The following ZNF514 variants were observed in gnomAD, a reference collection of about 807,000 sequenced individuals.
ZNF514 encodes the protein zinc finger protein 514.
In ZNF514, 12 loss-of-function variants were observed where a neutral mutation model predicts 9.7. That is an observed-to-expected ratio of 1.24 (90% CI 0.79 to 2.01). ZNF514 has a LOEUF of 2.01. ZNF514 is among the 30% of genes most tolerant of loss of function. The pLI, the probability that ZNF514 is intolerant of heterozygous loss-of-function variation, is 0.00. For missense variants in ZNF514, 467 were observed against 465.5 expected (o/e 1.00, Z -0.03); for synonymous variants, 158 against 163.7 (o/e 0.97, Z 0.27).
At position 95,157,459 on chromosome 2, in the gene ZNF514, CA is replaced by C. The variant is rs1360185444; in HGVS notation, c.-95-21del. The C allele has an allele frequency of 3.4e-5, 43 of 1,283,292 alleles. No homozygotes were observed. The highest frequency in any genetic ancestry group is 4.4e-5 in the Non-Finnish European group (43 of 983,218). 79.5% of individuals were successfully genotyped at this position (1,283,292 alleles called of 1,614,324 possible). A position where few individuals can be genotyped will look rare whatever the true frequency, so the allele number is the denominator to read the frequency against. ...GGGAAGCTGGGAAGGTAGAAGGAGA[CA>C]TAAGGGAAGCTGACCCAGCCAGCAC... is the stretch of plus-strand genomic sequence containing the variant. On this transcript the variant is annotated intron_variant, in intron 1 of 4. Coordinates refer to ENST00000295208, the MANE Select transcript of ZNF514 (RefSeq NM_032788.3).
intron 3 of ZNF514, 52 bp from the exon 4 acceptor site, chr2:95,152,821 C>A: frequency 6.8e-7 from 1 of 1,475,040 alleles, no homozygotes; most frequent in Non-Finnish European, 9.5e-7. Flanking sequence ...GTGGCCAAGT[C>A]TTTGGATATT....
At chr2:95,126,263 C>A in the ZNF514 span, among the ~76,000 whole-genome samples, 1 of 149,112 alleles carries the variant, frequency 6.7e-6, no homozygotes, top group African/African-American at 2.5e-5. Flanking sequence ...CCCAGCTACT[C>A]AGGAGGCTGA....
intron 4 of ZNF514, among the ~76,000 whole-genome samples, chr2:95,151,552 A>G (rs1431070037): frequency 6.6e-6 from 1 of 152,228 alleles, no homozygotes; most frequent in African/African-American, 2.4e-5. Flanking sequence ...CCTATGAACT[A>G]TGACATGAGT....
At chr2:95,139,095 G>A in the ZNF514 span, among the ~76,000 whole-genome samples, 1 of 152,380 alleles carries the variant, frequency 6.6e-6, no homozygotes, top group Admixed American at 6.5e-5. Flanking sequence ...TGTGCAGAGT[G>A]CAAGAGTGAA....
At position 95,149,006 on chromosome 2, in the gene ZNF514, T is replaced by C. The variant is rs1270753197; in HGVS notation, c.*276A>G. 1.5e-4 allele frequency: 58 copies of C among 389,962 alleles called. No homozygotes were observed. Among genetic ancestry groups the C allele is most frequent in the Non-Finnish European group, 4.6e-5 (10 of 219,196 alleles). 24.2% of individuals were successfully genotyped at this position (389,962 alleles called of 1,614,324 possible). The stretch of plus-strand genomic sequence containing the variant: ...CTCCTCCCCAGTGTCGGCTGTCTGA[T>C]GCTGAATAATATGCATCCTCTGATC... On this transcript the variant is annotated 3_prime_UTR_variant, in exon 5 of 5. Coordinates refer to ENST00000295208, the MANE Select transcript of ZNF514 (RefSeq NM_032788.3).
rs779289814 is a variant in ZNF514 at position 95,145,300 on chromosome 2, T to G, written c.*3982A>C. ...CATTATACCTTCCTCTCTTTGGAAT[T>G]CAGGCACAGTGGACCAGCATTAACA... On this transcript the variant is annotated 3_prime_UTR_variant, in exon 5 of 5. Coordinates refer to ENST00000295208, the MANE Select transcript of ZNF514 (RefSeq NM_032788.3). 1.4e-4 allele frequency among the ~76,000 whole-genome samples: 21 copies of G among 152,138 alleles called. No homozygotes were observed. The highest frequency in any genetic ancestry group is 1.2e-4 in the Non-Finnish European group (8 of 68,026).
intron 1 of ZNF514, 138 bp from the exon 2 acceptor site, chr2:95,157,577 T>C (rs1673722371): frequency 2.4e-6 from 1 of 409,446 alleles, no homozygotes; most frequent in South Asian, 1.9e-5. Context: ...CAAAAGGATC[T>C]GAGAGGCAGC....
the ZNF514 span, among the ~76,000 whole-genome samples, chr2:95,128,158 C>T: frequency 6.6e-6 from 1 of 151,796 alleles, no homozygotes; most frequent in Non-Finnish European, 1.5e-5. Flanking sequence ...TTGGGGAGGC[C>T]GAGATGGGCG....
At position 95,149,468 on chromosome 2, in the gene ZNF514, A is replaced by C; in HGVS notation, c.1017T>G (p.Thr339=). Residue 339 remains threonine (T), a synonymous_variant, in exon 5 of 5, where the codon ACT becomes ACG. Coordinates refer to ENST00000295208, the MANE Select transcript of ZNF514 (RefSeq NM_032788.3). Reference sequence around the variant, plus strand: ...TATTACATTTGTAAGGTTTCTCTCCAGTATGAAATCTGTAATGCACAATGA... The same window carrying C: ...TATTACATTTGTAAGGTTTCTCTCCCGTATGAAATCTGTAATGCACAATGA... The part of the protein sequence containing the change: ...SSLIVHYRFH[T]GEKPYKCNKC... The C allele has an allele frequency of 6.2e-7, 1 of 1,614,018 alleles. No individual in the cohort carries two copies. Among genetic ancestry groups the C allele is most frequent in the East Asian group, 2.2e-5 (1 of 44,870 alleles).
At chr2:95,157,520 G>T in intron 1 of ZNF514, 81 bp from the exon 2 acceptor site, 1 of 726,470 alleles carries the variant, frequency 1.4e-6, no homozygotes, top group Non-Finnish European at 2.1e-6. Flanking sequence ...CTGAGACCCA[G>T]AACAGCTCTG....
chr2:95,152,623 C>T, intron 4 of ZNF514, 51 bp downstream of exon 4: 1 of 1,514,762 alleles, frequency 6.6e-7, no homozygotes, highest in Non-Finnish European at 9.2e-7. Flanking sequence ...TGGGCTACCT[C>T]CCACCCCAGC....
chr2:95,149,584 A>T lies in ZNF514; in HGVS notation c.901T>A (p.Ser301Thr), dbSNP rs1573376127. ...NECGRAFGHT[S>T]SLIKHQRTHT... Reference sequence around the variant, plus strand: ...GTCCTCTGATGCTTAATAAGGGATGAAGTGTGACCAAAGGCTCGTCCACAT... The same window carrying T: ...GTCCTCTGATGCTTAATAAGGGATGTAGTGTGACCAAAGGCTCGTCCACAT... Residue 301 changes from serine (S) to threonine (T), a missense_variant, in exon 5 of 5, where the codon TCA becomes ACA. By Grantham distance (58) the Ser-to-Thr change is moderately conservative. Transcript: ENST00000295208. 6.2e-7 allele frequency: 1 copy of T among 1,610,212 alleles called. No homozygotes were observed. The highest frequency in any genetic ancestry group is 1.1e-5 in the South Asian group (1 of 90,898).
chr2:95,154,022 T>C (rs1158618025), intron 2 of ZNF514: 1 of 152,186 alleles, frequency 6.6e-6, no homozygotes, highest in East Asian at 1.9e-4. Flanking sequence ...TAATCAAACA[T>C]GAAAAATTCA....
downstream of ZNF514, among the ~76,000 whole-genome samples, chr2:95,140,305 T>A (rs529110593): frequency 8.2e-4 from 124 of 152,040 alleles, no homozygotes; most frequent in Non-Finnish European, 1.5e-3. Context: ...CCAGAAAAAA[T>A]TTTTTAACAT....
At chr2:95,144,133 A>T, downstream of ZNF514, among the ~76,000 whole-genome samples, 1 of 152,098 alleles carries the variant, frequency 6.6e-6, no homozygotes, top group East Asian at 1.9e-4. Context: ...TAAGCAGCCC[A>T]GACACTCAGC....
rs1673809653 is a variant in ZNF514, at chr2:95,159,726, AGCCCC to A, written c.-587_-583del. 1 of 133,772 alleles carries A rather than the reference AGCCCC, an allele frequency of 7.5e-6. No homozygotes were observed. The highest frequency in any genetic ancestry group is 2.7e-5 in the African/African-American group (1 of 37,006). 8.3% of individuals were successfully genotyped at this position (133,772 alleles called of 1,614,324 possible). On this transcript the variant is annotated 5_prime_UTR_variant, in exon 1 of 5. Coordinates refer to ENST00000295208, the MANE Select transcript of ZNF514 (RefSeq NM_032788.3). Reference sequence around the variant, plus strand: ...CCAGCCCCCGCGTCCGCCCCGCGCCAGCCCCCGCGTCCGCCCCGCGCCAGCCCCGC... The same window carrying A: ...CCAGCCCCCGCGTCCGCCCCGCGCCACGCGTCCGCCCCGCGCCAGCCCCGC...
chr2:95,133,359 C>T, the ZNF514 span, among the ~76,000 whole-genome samples: 2 of 152,148 alleles, frequency 1.3e-5, no homozygotes, highest in African/African-American at 4.8e-5. Flanking sequence ...AAGGAGACAT[C>T]AACTTCAAAA....
At chr2:95,144,436 T>C (rs1357477031), downstream of ZNF514, among the ~76,000 whole-genome samples, 1 of 152,110 alleles carries the variant, frequency 6.6e-6, no homozygotes, top group Non-Finnish European at 1.5e-5. Flanking sequence ...TCATGAATAT[T>C]TAATAAAACC....
the ZNF514 span, among the ~76,000 whole-genome samples, chr2:95,132,144 C>CA: frequency 0.23 from 3,814 of 16,412 alleles, 775 homozygotes; most frequent in Non-Finnish European, 0.29. Context: ...GACTCTGTCT[C>CA]AAAAAAAAAA....
Sources: allele counts gnomAD v4.1 joint callset (sites outside exome capture counted in the v4.1 genomes callset), GRCh38; gene constraint gnomAD v4.1.1; transcripts MANE v1.5; gene names NCBI Gene and HGNC (gene_info 2026-07-23, HGNC 2026-07-21).